CNBD1: variants seen among roughly 807,000 people sequenced by gnomAD.
CNBD1 encodes the protein cyclic nucleotide-binding domain-containing protein 1.
In CNBD1, 71 loss-of-function variants were observed where a neutral mutation model predicts 54.4. The ratio of observed to expected loss-of-function variants is 1.30; its 90% CI spans 1.08 to 1.59. The LOEUF is 1.59. Among genes scored for constraint, CNBD1 ranks in the 40% most tolerant of loss-of-function variants. The pLI is 0.00. For missense variants in CNBD1, 659 were observed against 518.0 expected, an observed-to-expected ratio of 1.27 and a Z score of -2.64; for synonymous variants, 182 against 170.7, an observed-to-expected ratio of 1.07 and a Z score of -0.51.
chr8:87,378,785 A>G (rs1811008190), intron 10 of CNBD1, among the ~76,000 whole-genome samples: 2 of 151,110 alleles, frequency 1.3e-5, no homozygotes, highest in Non-Finnish European at 2.9e-5. Context: ...CCTACCCATG[A>G]GCATGGAATG....
At chr8:87,427,807 G>C (rs532171102) in intron 2 of CNBD1, among the ~76,000 whole-genome samples, 186 of 152,058 alleles carry the variant, frequency 1.2e-3, no homozygotes, top group Non-Finnish European at 1.8e-3. Flanking sequence ...TGTAGTCCTT[G>C]GTTTTGTTTT....
intron 4 of CNBD1, among the ~76,000 whole-genome samples, chr8:87,107,114 C>T (rs1811555735): frequency 6.6e-6 from 1 of 152,172 alleles, no homozygotes; most frequent in South Asian, 2.1e-4. Flanking sequence ...AGACGTGAGC[C>T]ACCGCACCCG....
chr8:87,178,933 G>A (rs552717266), intron 4 of CNBD1, among the ~76,000 whole-genome samples: 27 of 152,168 alleles, frequency 1.8e-4, no homozygotes, highest in South Asian at 4.1e-4. Context: ...TTGAGACGGA[G>A]TCTCACCCTT....
At chr8:86,990,507 G>A (rs568929054) in intron 4 of CNBD1, among the ~76,000 whole-genome samples, 6 of 152,212 alleles carry the variant, frequency 3.9e-5, no homozygotes, top group Admixed American at 1.3e-4. Flanking sequence ...GTGTAGGTGT[G>A]TGAATTTGTT....
At chr8:86,884,083 C>T (rs1030018391) in intron 1 of CNBD1, among the ~76,000 whole-genome samples, 33 of 151,038 alleles carry the variant, frequency 2.2e-4, no homozygotes, top group African/African-American at 4.8e-4. Context: ...ACCCGGGAGG[C>T]GGAGCTTGCA....
At chr8:87,029,482 G>A (rs1490095259) in intron 4 of CNBD1, among the ~76,000 whole-genome samples, 1 of 152,130 alleles carries the variant, frequency 6.6e-6, no homozygotes, top group Non-Finnish European at 1.5e-5. Flanking sequence ...TGGGAAATGG[G>A]GAGGTAAAGC....
intron 8 of CNBD1, among the ~76,000 whole-genome samples, chr8:87,343,977 A>C (rs753989353): frequency 6.6e-6 from 1 of 152,042 alleles, no homozygotes; most frequent in Non-Finnish European, 1.5e-5. Flanking sequence ...AGCTCTAACA[A>C]CTTTTTCATG....
intron 4 of CNBD1, among the ~76,000 whole-genome samples, chr8:86,945,333 C>G (rs1209141520): frequency 2.6e-5 from 4 of 152,086 alleles, no homozygotes; most frequent in African/African-American, 9.7e-5. Flanking sequence ...ATCTGAAGAT[C>G]ATTATGTTTC....
At chr8:87,366,812 G>T (rs1810651340) in intron 10 of CNBD1, among the ~76,000 whole-genome samples, 2 of 152,088 alleles carry the variant, frequency 1.3e-5, no homozygotes, top group Admixed American at 1.3e-4. Flanking sequence ...CTGGGGAGAA[G>T]AGGATGGCAA....
At chr8:87,213,041 A>C (rs1194775996) in intron 5 of CNBD1, among the ~76,000 whole-genome samples, 1 of 152,210 alleles carries the variant, frequency 6.6e-6, no homozygotes, top group East Asian at 1.9e-4. Context: ...AAATGAGTAT[A>C]TTAGCTGAAT....
At chr8:87,386,115 A>G (rs531477415), downstream of CNBD1, among the ~76,000 whole-genome samples, 1 of 152,302 alleles carries the variant, frequency 6.6e-6, no homozygotes, top group East Asian at 1.9e-4. Flanking sequence ...CCATCTGTGC[A>G]TCACCATCAT....
At chr8:87,212,680 A>T (rs994379531) in intron 5 of CNBD1, among the ~76,000 whole-genome samples, 4 of 152,168 alleles carry the variant, frequency 2.6e-5, no homozygotes, top group African/African-American at 9.7e-5. Context: ...TAGACCCCTA[A>T]TTTACAACAT....
chr8:86,931,521 C>T (rs187016026), intron 3 of CNBD1, among the ~76,000 whole-genome samples: 7 of 152,194 alleles, frequency 4.6e-5, no homozygotes, highest in Admixed American at 2.0e-4. Flanking sequence ...ATAACAAGCC[C>T]TACTAGGTGA....
At chr8:87,371,666 T>A (rs947560259) in intron 10 of CNBD1, among the ~76,000 whole-genome samples, 2 of 152,068 alleles carry the variant, frequency 1.3e-5, no homozygotes, top group Admixed American at 6.6e-5. Flanking sequence ...ATCCCTGGGA[T>A]GCAAGGCTGG....
chr8:87,410,892 A>G (rs981719197), intron 2 of CNBD1, among the ~76,000 whole-genome samples: 3 of 152,154 alleles, frequency 2.0e-5, no homozygotes, highest in African/African-American at 7.2e-5. Flanking sequence ...ATCTGCAAAA[A>G]GATTATGACT....
At chr8:87,350,728 C>T (rs1435313693) in intron 8 of CNBD1, among the ~76,000 whole-genome samples, 4 of 151,916 alleles carry the variant, frequency 2.6e-5, no homozygotes, top group Non-Finnish European at 5.9e-5. Context: ...TAGGTTACTA[C>T]TGCTGTGTTT....
Position 87,125,194 on chromosome 8 carries a change from G to T in CNBD1, c.432-80799G>T, listed in dbSNP as rs989218813. On this transcript the variant is annotated intron_variant, in intron 4 of 10. Transcript: ENST00000518476. ...TTCATGATATATAAAAATTAATATT[G>T]TGAAAATGTCTGTACTACCCAAAGT... Among the ~76,000 whole-genome samples the T allele has an allele frequency of 1.1e-4, 17 of 151,746 alleles. 1 individual carries two copies. The highest frequency in any genetic ancestry group is 4.1e-4 in the African/African-American group (17 of 41,478).
chr8:86,897,882 C>T (rs148419693), intron 2 of CNBD1, among the ~76,000 whole-genome samples: 4 of 152,092 alleles, frequency 2.6e-5, no homozygotes, highest in Non-Finnish European at 1.5e-5. Context: ...CCCAGAGAAG[C>T]ACCCACACAT....
intron 2 of CNBD1, among the ~76,000 whole-genome samples, chr8:87,399,366 G>A (rs1006046154): frequency 2.0e-5 from 3 of 152,008 alleles, no homozygotes; most frequent in Non-Finnish European, 2.9e-5. Context: ...CCTTTCCTGA[G>A]TCTTTTCTCT....
Sources: gnomAD v4.1 joint callset for allele counts (sites outside exome capture counted in the v4.1 genomes callset) on GRCh38, gnomAD v4.1.1 for gene constraint, MANE v1.5 for transcripts, NCBI Gene and HGNC (gene_info 2026-07-23, HGNC 2026-07-21) for gene names.